The following ILDR2 variants were observed in gnomAD, a reference collection of about 807,000 sequenced individuals.
The protein encoded by ILDR2 is immunoglobulin like domain containing receptor 2, also known as immunoglobulin-like domain-containing receptor 2.
A neutral mutation model predicts 66.8 loss-of-function variants in ILDR2; 25 were observed. That is an observed-to-expected ratio of 0.37 (90% CI 0.27 to 0.52). The LOEUF is 0.52. Among genes scored for constraint, ILDR2 ranks in the 20% least tolerant of loss-of-function variants. The pLI, the probability that ILDR2 is intolerant of heterozygous loss-of-function variation, is 0.88. For synonymous variants in ILDR2, 367 were observed against 357.2 expected (o/e 1.03, Z -0.31); for missense variants, 827 against 876.8 (o/e 0.94, Z 0.72).
chr1:166,914,862 C>T lies in ILDR2; in HGVS notation c.*4493G>A, dbSNP rs1188932113. On this transcript the variant is annotated 3_prime_UTR_variant, in exon 10 of 10. Transcript: ENST00000271417. ...CAGACTTCCATTAAGATGCTGGCAGCATTTAAATCTGATTTTGGAAGGATA... is the reference window on the plus strand; with the variant it reads ...CAGACTTCCATTAAGATGCTGGCAGTATTTAAATCTGATTTTGGAAGGATA... 1.3e-5 allele frequency: 2 copies of T among 152,180 alleles called. No homozygotes were observed. Among genetic ancestry groups the T allele is most frequent in the South Asian group, 4.1e-4 (2 of 4,824 alleles). 9.4% of individuals were successfully genotyped at this position (152,180 alleles called of 1,614,324 possible).
At chr1:166,934,664 C>A (rs546100439) in intron 6 of ILDR2, among the ~76,000 whole-genome samples, 16 of 152,316 alleles carry the variant, frequency 1.1e-4, no homozygotes, top group Admixed American at 3.3e-4. Flanking sequence ...GTCAATCTGA[C>A]AAATTGGACA....
intron 3 of ILDR2, among the ~76,000 whole-genome samples, chr1:166,956,314 G>A (rs974682458): frequency 2.6e-5 from 4 of 152,112 alleles, no homozygotes; most frequent in African/African-American, 9.7e-5. Context: ...TAATCCAGTG[G>A]GAAAAGATTC....
In ILDR2 at chr1:166,918,971, A is replaced by C. The variant is rs1659744835; in HGVS notation, c.*384T>G. ...TGTCTCTAAGTATAGCACAGGAGGT[A>C]TAGAAAAGCATATTGTAGGCATAGG... On this transcript the variant is annotated 3_prime_UTR_variant, in exon 10 of 10. Transcript: ENST00000271417. 2.7e-6 allele frequency: 1 copy of C among 369,434 alleles called. No homozygotes were observed. 22.9% of individuals were successfully genotyped at this position (369,434 alleles called of 1,614,324 possible).
At chr1:166,943,909 C>A in intron 3 of ILDR2, 1 of 880,392 alleles carries the variant, frequency 1.1e-6, no homozygotes, top group Non-Finnish European at 1.4e-6. Flanking sequence ...CAAACCACAG[C>A]TCAAACTATC....
downstream of ILDR2, among the ~76,000 whole-genome samples, chr1:166,906,245 T>C (rs913206939): frequency 1.3e-5 from 2 of 152,140 alleles, no homozygotes; most frequent in African/African-American, 4.8e-5. Context: ...AAGAATACTT[T>C]CAAAGAACTT....
intron 3 of ILDR2, among the ~76,000 whole-genome samples, chr1:166,950,943 AC>A (rs1557949042): frequency 1.3e-5 from 2 of 152,200 alleles, no homozygotes; most frequent in Non-Finnish European, 2.9e-5. Context: ...CTGGGAGCAT[AC>A]CTATTTCTGG....
chr1:166,932,077 A>G (rs1046296494), intron 6 of ILDR2, among the ~76,000 whole-genome samples: 4 of 152,246 alleles, frequency 2.6e-5, no homozygotes, highest in Non-Finnish European at 5.9e-5. Context: ...CAAAACAGGA[A>G]CATCTGGAGG....
chr1:166,939,624 A>G lies in ILDR2; in HGVS notation c.500-54T>C, dbSNP rs144782596. 8.4e-4 allele frequency: 1,282 copies of G among 1,521,048 alleles called. 12 individuals carry two copies. The African/African-American group carries it at 0.015, about 18-fold the overall frequency. The allele number at this position is 1,521,048 out of a possible 1,614,324, so 94.2% of individuals were successfully genotyped here. On this transcript the variant is annotated intron_variant, in intron 3 of 9. Coordinates refer to ENST00000271417, the MANE Select transcript of ILDR2 (RefSeq NM_199351.3). ...GAAAGTGGTTATTCCAAGGGAAAACATAGCCTAAAGCCTGGCTCCAGTTGG... is the reference window on the plus strand; with the variant it reads ...GAAAGTGGTTATTCCAAGGGAAAACGTAGCCTAAAGCCTGGCTCCAGTTGG...
chr1:166,966,775 T>C (rs938057969), intron 1 of ILDR2, among the ~76,000 whole-genome samples: 12 of 152,322 alleles, frequency 7.9e-5, no homozygotes, highest in African/African-American at 2.9e-4. Context: ...TACCCTGCAA[T>C]GTGGAGGTAC....
intron 3 of ILDR2, among the ~76,000 whole-genome samples, chr1:166,946,094 C>T (rs1661596700): frequency 6.6e-6 from 1 of 152,158 alleles, no homozygotes; most frequent in Non-Finnish European, 1.5e-5. Flanking sequence ...TTCTCTGGCC[C>T]TTTTAAATGT....
At chr1:166,953,602 GACC>G (rs1440185238) in intron 3 of ILDR2, among the ~76,000 whole-genome samples, 1 of 152,112 alleles carries the variant, frequency 6.6e-6, no homozygotes, top group African/African-American at 2.4e-5. Flanking sequence ...TCTTAGCCCT[GACC>G]TACTGCAAAA....
chr1:166,907,447 A>C (rs1000271981), downstream of ILDR2, among the ~76,000 whole-genome samples: 1 of 152,196 alleles, frequency 6.6e-6, no homozygotes, highest in Admixed American at 6.5e-5. Context: ...CCATGGAACA[A>C]TGAGCACTCT....
At chr1:166,920,153 A>G (rs984524489) in intron 9 of ILDR2, among the ~76,000 whole-genome samples, 1 of 152,224 alleles carries the variant, frequency 6.6e-6, no homozygotes, top group African/African-American at 2.4e-5. Context: ...TACGGGCACA[A>G]TGCAGTTTAC....
Position 166,909,760 on chromosome 1 carries a change from A to AATATATATATATATAT in ILDR2, c.*9594_*9595insATATATATATATATAT, listed in dbSNP as rs1392240246. Reference sequence around the variant, plus strand: ...ACATATATATATATATATATATATAAATATATATAAATATATATATTTATA... The same window carrying AATATATATATATATAT: ...ACATATATATATATATATATATATAAATATATATATATATATATATATATAAATATATATATTTATA... On this transcript the variant is annotated 3_prime_UTR_variant, in exon 10 of 10. Transcript: ENST00000271417. The AATATATATATATATAT allele has an allele frequency of 1.6e-5, 1 of 62,748 alleles. No homozygotes were observed. Among genetic ancestry groups the AATATATATATATATAT allele is most frequent in the African/African-American group, 8.1e-5 (1 of 12,360 alleles). 3.9% of individuals were successfully genotyped at this position (62,748 alleles called of 1,614,324 possible).
In ILDR2 at chr1:166,917,773, T is replaced by G. The variant is rs1659700107; in HGVS notation, c.*1582A>C. On this transcript the variant is annotated 3_prime_UTR_variant, in exon 10 of 10. Transcript: ENST00000271417. The stretch of plus-strand genomic sequence containing the variant: ...GGGTTCAGCTAGGCAGTTCTTCTAT[T>G]GGTATCACCTGGACTCACCCATGTC... 2 of 152,218 alleles carry G rather than the reference T, an allele frequency of 1.3e-5. No homozygotes were observed. Among genetic ancestry groups the G allele is most frequent in the Admixed American group, 1.3e-4 (2 of 15,284 alleles). The allele number at this position is 152,218 out of a possible 1,614,324, so 9.4% of individuals were successfully genotyped here.
chr1:166,943,326 A>G (rs983748101), intron 3 of ILDR2, among the ~76,000 whole-genome samples: 12 of 152,126 alleles, frequency 7.9e-5, no homozygotes, highest in East Asian at 1.9e-4. Flanking sequence ...CCCCGTCTCT[A>G]CTAAAAATAC....
At chr1:166,950,175 C>T (rs1571173777) in intron 3 of ILDR2, among the ~76,000 whole-genome samples, 1 of 152,226 alleles carries the variant, frequency 6.6e-6, no homozygotes, top group Non-Finnish European at 1.5e-5. Context: ...AATTCCTTTT[C>T]TCCCTTCTGC....
rs1274322020 is a variant in ILDR2 at position 166,909,757 on chromosome 1, AT to A, written c.*9597del. 3.8e-3 allele frequency: 288 copies of A among 75,612 alleles called. 6 individuals are homozygous for A. The highest frequency in any genetic ancestry group is 0.018 in the African/African-American group (275 of 15,466). 4.7% of individuals were successfully genotyped at this position (75,612 alleles called of 1,614,324 possible). On this transcript the variant is annotated 3_prime_UTR_variant, in exon 10 of 10. Coordinates refer to ENST00000271417, the MANE Select transcript of ILDR2 (RefSeq NM_199351.3). ...CATACATATATATATATATATATATATAAATATATATAAATATATATATTTA... is the reference window on the plus strand; with the variant it reads ...CATACATATATATATATATATATATAAAATATATATAAATATATATATTTA...
chr1:166,958,093 C>T lies in ILDR2; in HGVS notation c.55G>A (p.Glu19Lys), dbSNP rs771153838. Reference sequence around the variant, plus strand: ...TCGGGCACTGTGACCTGAAGGCCTTCGACCATGGCTGCAAAACAGAATAAA... The same window carrying T: ...TCGGGCACTGTGACCTGAAGGCCTTTGACCATGGCTGCAAAACAGAATAAA... ...ISLFWLTAMV[E>K]GLQVTVPDKK... The change falls in exon 2 of 10, where the codon GAA becomes AAA. Residue 19 changes from glutamate to lysine, a missense_variant. This residue lies in a region of ILDR2 where 437 missense variants were observed against 523.2 expected (regional missense o/e 0.84). Transcript: ENST00000271417. 5.0e-5 allele frequency: 81 copies of T among 1,607,400 alleles called. No homozygotes were observed. The Middle Eastern group carries it at 9.9e-4, about 20-fold the overall frequency.
Sources: gnomAD v4.1 joint callset for allele counts (sites outside exome capture counted in the v4.1 genomes callset) on GRCh38, gnomAD v4.1.1 for gene constraint, gnomAD v4.1.1 regional missense constraint, MANE v1.5 for transcripts, NCBI Gene and HGNC (gene_info 2026-07-23, HGNC 2026-07-21) for gene names.